Variants in ECM2 observed in about 807,000 individuals in gnomAD.
The protein encoded by ECM2 is extracellular matrix protein 2, female organ and adipocyte specific.
Under a neutral mutation model 67.5 loss-of-function variants are expected in ECM2, and 57 were observed. The ratio of observed to expected loss-of-function variants is 0.84; its 90% confidence interval spans 0.68 to 1.05. The LOEUF (loss-of-function observed/expected upper bound fraction) is 1.05, where lower values mean the gene tolerates loss of function less well. ECM2 is among the 50% of genes least tolerant of loss of function. The pLI is 0.00. For synonymous variants in ECM2, 258 were observed against 294.5 expected, an observed-to-expected ratio of 0.88 and a Z score of 1.27; for missense variants, 741 against 822.8, an observed-to-expected ratio of 0.90 and a Z score of 1.22.
chr9:92,505,795 A>G, intron 6 of ECM2, 105 bp from the exon 7 acceptor site: 1 of 925,378 alleles, frequency 1.1e-6, no homozygotes, highest in South Asian at 1.9e-5. Flanking sequence ...TTTGGAGGGC[A>G]AATACAGTTT....
At chr9:92,555,384 G>C in the ECM2 span, among the ~76,000 whole-genome samples, 1 of 151,518 alleles carries the variant, frequency 6.6e-6, no homozygotes, top group African/African-American at 2.4e-5. Context: ...ATACCACCAT[G>C]TCTGGCTGAT....
At chr9:92,497,953 C>T (rs567234471) in intron 9 of ECM2, among the ~76,000 whole-genome samples, 1 of 151,934 alleles carries the variant, frequency 6.6e-6, no homozygotes, top group Admixed American at 6.5e-5. Context: ...TCTCTACACA[C>T]TCCATCTCCC....
At chr9:92,521,620 T>C (rs1848075607) in intron 2 of ECM2, among the ~76,000 whole-genome samples, 1 of 152,214 alleles carries the variant, frequency 6.6e-6, no homozygotes. Context: ...TATAATATAC[T>C]TTTTCCTTCC....
chr9:92,509,855 A>T (rs1213059349), intron 6 of ECM2, 44 bp downstream of exon 6: 1 of 1,566,112 alleles, frequency 6.4e-7, no homozygotes, highest in African/African-American at 1.4e-5. Flanking sequence ...CTATATAGGA[A>T]AGATTATAAG....
chr9:92,514,274 CT>C (rs1044226766), intron 4 of ECM2, among the ~76,000 whole-genome samples: 153 of 130,740 alleles, frequency 1.2e-3, no homozygotes, highest in Middle Eastern at 3.8e-3. Context: ...GAGTCATTTA[CT>C]TTTTTTTTTT....
In ECM2 at chr9:92,522,715, CTGTT is replaced by C. The variant is rs1354517702; in HGVS notation, c.148_151del (p.Asn50AspfsTer14). ...TGTTGTTTGCTGAATTCCAAGCTGT[CTGTT>C]TGATCTGTGCTTGTGTGAGGTTGAA... On this transcript the variant is annotated frameshift_variant, in exon 2 of 10. Coordinates refer to ENST00000344604, the MANE Select transcript of ECM2 (RefSeq NM_001393.4). LOFTEE classifies it high-confidence loss of function. The C allele has an allele frequency of 2.5e-6, 4 of 1,614,134 alleles. No homozygotes were observed. The highest frequency in any genetic ancestry group is 2.2e-5 in the East Asian group (1 of 44,850).
chr9:92,552,005 T>TC, the ECM2 span, among the ~76,000 whole-genome samples: 221 of 142,226 alleles, frequency 1.6e-3, no homozygotes, highest in Non-Finnish European at 2.3e-3. Flanking sequence ...TATATATGTG[T>TC]ATATATATGA....
chr9:92,524,255 G>GT (rs1315531766), intron 1 of ECM2, among the ~76,000 whole-genome samples: 1 of 152,174 alleles, frequency 6.6e-6, no homozygotes, highest in Non-Finnish European at 1.5e-5. Context: ...TTATAAGGAG[G>GT]TAAGAGTCAG....
At chr9:92,535,319 A>C (rs114771796) in intron 1 of ECM2, among the ~76,000 whole-genome samples, 203 of 152,266 alleles carry the variant, frequency 1.3e-3, no homozygotes, top group African/African-American at 4.5e-3. Flanking sequence ...CTTTGCACTT[A>C]ATATTTGCTT....
chr9:92,532,879 G>A (rs1848883587), intron 1 of ECM2, among the ~76,000 whole-genome samples: 1 of 152,066 alleles, frequency 6.6e-6, no homozygotes, highest in African/African-American at 2.4e-5. Context: ...GATGACCTTT[G>A]ATGGAGTGCC....
At chr9:92,528,607 T>C (rs1848559126) in intron 1 of ECM2, among the ~76,000 whole-genome samples, 1 of 151,744 alleles carries the variant, frequency 6.6e-6, no homozygotes, top group South Asian at 2.1e-4. Context: ...CAGGAAGAGT[T>C]TGTGTTCCAC....
chr9:92,530,368 T>C lies in ECM2; in HGVS notation c.-28+5565A>G, dbSNP rs549537544. Among the ~76,000 whole-genome samples the C allele has an allele frequency of 8.5e-5, 13 of 152,316 alleles. No individual in the cohort carries two copies. In the South Asian group the frequency reaches 2.7e-3, roughly 32 times the overall value. On this transcript the variant is annotated intron_variant, in intron 1 of 9. Coordinates refer to ENST00000344604, the MANE Select transcript of ECM2 (RefSeq NM_001393.4). ...GGGAAAAGCACATATGAGAACTCTG[T>C]ACTTTCCACTCAGTTTGCTCTGAAT...
intron 6 of ECM2, among the ~76,000 whole-genome samples, chr9:92,507,896 C>T (rs1486819117): frequency 6.6e-6 from 1 of 152,172 alleles, no homozygotes; most frequent in East Asian, 1.9e-4. Context: ...GTGTGCAGCC[C>T]CTTGTGCTGC....
At chr9:92,512,542 T>C (rs761337934) in intron 4 of ECM2, among the ~76,000 whole-genome samples, 1 of 152,202 alleles carries the variant, frequency 6.6e-6, no homozygotes, top group Non-Finnish European at 1.5e-5. Flanking sequence ...TTTTTGTCCA[T>C]GAATGCTCAT....
the ECM2 span, among the ~76,000 whole-genome samples, chr9:92,552,234 C>T: frequency 1.3e-5 from 2 of 149,710 alleles, no homozygotes; most frequent in South Asian, 4.2e-4. Context: ...TTTCTTTATC[C>T]ACTTGTTGAT....
intron 4 of ECM2, 92 bp downstream of exon 4, chr9:92,514,539 T>C (rs1482055089): frequency 6.8e-7 from 1 of 1,465,990 alleles, no homozygotes. Flanking sequence ...CCTTTCAAAG[T>C]GCTGAGATTA....
chr9:92,532,804 G>A (rs994447139), intron 1 of ECM2, among the ~76,000 whole-genome samples: 11 of 151,880 alleles, frequency 7.2e-5, no homozygotes, highest in Non-Finnish European at 1.3e-4. Flanking sequence ...GATCCTCTAT[G>A]TGTCTATTTC....
chr9:92,542,403 A>G, the ECM2 span, among the ~76,000 whole-genome samples: 3 of 151,806 alleles, frequency 2.0e-5, no homozygotes, highest in East Asian at 5.8e-4. Context: ...ATGTAATCTC[A>G]TTTGTCTATT....
intron 2 of ECM2, among the ~76,000 whole-genome samples, chr9:92,519,582 G>T (rs1372945035): frequency 6.6e-6 from 1 of 152,210 alleles, no homozygotes; most frequent in Non-Finnish European, 1.5e-5. Context: ...TCAACAACTA[G>T]TGCTGGGACA....
Sources: gnomAD v4.1 joint callset for allele counts (sites outside exome capture counted in the v4.1 genomes callset) on GRCh38, gnomAD v4.1.1 for gene constraint, MANE v1.5 for transcripts, NCBI Gene and HGNC (gene_info 2026-07-23, HGNC 2026-07-21) for gene names.